The following CAMKMT variants were observed in gnomAD, a reference collection of about 807,000 sequenced individuals.
CAMKMT encodes the protein calmodulin-lysine N-methyltransferase, also known as CaM KMT.
Under a neutral mutation model 48.0 loss-of-function variants are expected in CAMKMT, and 53 were observed. That is an observed-to-expected ratio of 1.10 (90% confidence interval 0.89 to 1.39). CAMKMT has a LOEUF of 1.39. Among genes scored for constraint, CAMKMT ranks in the 40% most tolerant of loss-of-function variants. The pLI, the probability that CAMKMT is intolerant of heterozygous loss-of-function variation, is 0.00. For synonymous variants in CAMKMT, 165 were observed against 152.3 expected (o/e 1.08, Z -0.61); for missense variants, 428 against 402.7 (o/e 1.06, Z -0.54).
At chr2:44,545,873 G>A (rs1286343960) in intron 3 of CAMKMT, among the ~76,000 whole-genome samples, 1 of 151,860 alleles carries the variant, frequency 6.6e-6, no homozygotes, top group East Asian at 1.9e-4. Context: ...ATCTTCAAAA[G>A]GAGGGATCAT....
Position 44,707,413 on chromosome 2 carries a change from AG to A in CAMKMT, c.508del (p.Asp170MetfsTer7). 3.7e-6 allele frequency: 6 copies of A among 1,612,360 alleles called. No individual in the cohort carries two copies. Among genetic ancestry groups the A allele is most frequent in the Non-Finnish European group, 3.4e-6 (4 of 1,179,164 alleles). On this transcript the variant is annotated frameshift_variant, in exon 6 of 11. Transcript: ENST00000378494. LOFTEE classifies it high-confidence loss of function. ...TTTTTTTTCAGGTTGCTATTTCTGC[AG>A]ATGTCAAAGAAGTTCTGTTAACTGA... ...LAGLMVAISA[D>X]VKEVLLTDGN...
At chr2:44,646,406 C>T (rs896864498) in intron 3 of CAMKMT, among the ~76,000 whole-genome samples, 3 of 151,758 alleles carry the variant, frequency 2.0e-5, no homozygotes, top group East Asian at 1.9e-4. Context: ...TGTCTCATAA[C>T]GTTACAGAAA....
chr2:44,715,483 C>G, intron 7 of CAMKMT, 130 bp downstream of exon 7: 1 of 651,932 alleles, frequency 1.5e-6, no homozygotes, highest in South Asian at 1.9e-5. Context: ...GTTTTAAGCA[C>G]TTTACAAGTA....
Position 44,657,991 on chromosome 2 carries a change from C to G in CAMKMT, c.377-46292C>G, listed in dbSNP as rs186939201. On this transcript the variant is annotated intron_variant, in intron 3 of 10. Coordinates refer to ENST00000378494, the MANE Select transcript of CAMKMT (RefSeq NM_024766.5). This position sits in a 1 kb window ranked among gnomAD's most constrained non-coding sequence, Gnocchi z 4.3. ...AAATTATTTTTCACACAGATTTACT[C>G]TCCTGAATTTTCCAGAAATGTAGAT... Among the ~76,000 whole-genome samples, 388 of 152,280 alleles carry G rather than the reference C, an allele frequency of 2.5e-3. 2 individuals are homozygous for G. The highest frequency in any genetic ancestry group is 9.0e-3 in the African/African-American group (373 of 41,564).
At chr2:44,523,770 ATTTTT>A (rs70937920) in intron 3 of CAMKMT, among the ~76,000 whole-genome samples, 6,237 of 89,644 alleles carry the variant, frequency 0.07, 398 homozygotes, top group African/African-American at 0.22. Context: ...GAGAGCGAGC[ATTTTT>A]TTTTTTTTTT....
intron 9 of CAMKMT, among the ~76,000 whole-genome samples, chr2:44,756,868 T>G (rs1680405968): frequency 6.6e-6 from 1 of 152,116 alleles, no homozygotes; most frequent in South Asian, 2.1e-4. Context: ...TTCCAGCAAA[T>G]GCAAACACTG....
At chr2:44,437,163 A>C (rs1386614061) in intron 3 of CAMKMT, among the ~76,000 whole-genome samples, 1 of 152,234 alleles carries the variant, frequency 6.6e-6, no homozygotes, top group African/African-American at 2.4e-5. Context: ...TTATTGAAGA[A>C]TACAAAGGAG....
At chr2:44,713,457 A>G (rs1482526762) in intron 6 of CAMKMT, among the ~76,000 whole-genome samples, 15 of 152,192 alleles carry the variant, frequency 9.9e-5, no homozygotes, top group Admixed American at 9.8e-4. Context: ...TAAAGATGTC[A>G]GCTGTCCTTT....
At chr2:44,507,108 A>G (rs1014206198) in intron 3 of CAMKMT, among the ~76,000 whole-genome samples, 1 of 152,138 alleles carries the variant, frequency 6.6e-6, no homozygotes, top group African/African-American at 2.4e-5. Context: ...CTTATCAGAA[A>G]GGAATAGAAA....
At chr2:44,495,653 A>G (rs1036131327) in intron 3 of CAMKMT, among the ~76,000 whole-genome samples, 2 of 152,174 alleles carry the variant, frequency 1.3e-5, no homozygotes, top group African/African-American at 4.8e-5. Context: ...GTCAATTGGA[A>G]GCAATTCTTA....
intron 7 of CAMKMT, among the ~76,000 whole-genome samples, chr2:44,728,734 T>C (rs1226814638): frequency 1.3e-5 from 2 of 152,136 alleles, no homozygotes; most frequent in African/African-American, 2.4e-5. Flanking sequence ...GAGGATCTCT[T>C]ATATTTCTGT....
rs971933264 is a variant in CAMKMT, at chr2:44,743,481, A to AT, written c.624-135dup. 2.0e-5 allele frequency: 12 copies of AT among 599,650 alleles called. No individual in the cohort carries two copies. In the South Asian group the frequency reaches 2.7e-4, roughly 13 times the overall value. The allele number at this position is 599,650 out of a possible 1,614,324, so 37.1% of individuals were successfully genotyped here. A position where few individuals can be genotyped will look rare whatever the true frequency, so the allele number is the denominator to read the frequency against. On this transcript the variant is annotated intron_variant, in intron 7 of 10. Transcript: ENST00000378494. The stretch of plus-strand genomic sequence containing the variant: ...AAAACACAGAAGACAGTTACATCCT[A>AT]TTTTTTATTATACCTTTTGAAATAA...
At position 44,517,761 on chromosome 2, in the gene CAMKMT, A is replaced by G. The variant is rs547030039; in HGVS notation, c.376+127456A>G. On this transcript the variant is annotated intron_variant, in intron 3 of 10. Transcript: ENST00000378494. The stretch of plus-strand genomic sequence containing the variant: ...GCCCTGATGCTACTGTGTGAGAGCA[A>G]TTTAGTTAGAAAGATCATCAACAAT... Among the ~76,000 whole-genome samples, 104 of 152,318 alleles carry G rather than the reference A, an allele frequency of 6.8e-4. 1 individual carries two copies. The highest frequency in any genetic ancestry group is 2.4e-3 in the African/African-American group (100 of 41,564).
chr2:44,628,431 TG>T (rs1265666168), intron 3 of CAMKMT, among the ~76,000 whole-genome samples: 1 of 152,110 alleles, frequency 6.6e-6, no homozygotes, highest in Admixed American at 6.5e-5. Flanking sequence ...TCTAATTACT[TG>T]GGGTTTAATA....
chr2:44,744,422 C>A (rs1008206726), intron 8 of CAMKMT, among the ~76,000 whole-genome samples: 3 of 152,060 alleles, frequency 2.0e-5, no homozygotes, highest in African/African-American at 7.2e-5. Context: ...ATGCATCAGA[C>A]CTTAATAATT....
intron 3 of CAMKMT, among the ~76,000 whole-genome samples, chr2:44,591,074 C>T (rs572564867): frequency 7.9e-5 from 12 of 151,746 alleles, no homozygotes; most frequent in African/African-American, 2.4e-4. Context: ...AGATATGTGG[C>T]GTTATTTCTG....
intron 10 of CAMKMT, among the ~76,000 whole-genome samples, chr2:44,768,532 G>A (rs1346513284): frequency 6.6e-6 from 1 of 151,980 alleles, no homozygotes; most frequent in Admixed American, 6.5e-5. Flanking sequence ...AGCTCGCCCA[G>A]AGGCCGGAGC....
At chr2:44,725,143 CGTGTGTGTGTGT>C (rs4039394) in intron 7 of CAMKMT, among the ~76,000 whole-genome samples, 8 of 140,556 alleles carry the variant, frequency 5.7e-5, no homozygotes, top group African/African-American at 8.0e-5. Flanking sequence ...GCTTTCTGGA[CGTGTGTGTGTGT>C]GTGTGTGTGT....
intron 6 of CAMKMT, among the ~76,000 whole-genome samples, chr2:44,709,404 C>T (rs796760481): frequency 9.9e-5 from 15 of 152,188 alleles, no homozygotes; most frequent in Admixed American, 5.9e-4. Flanking sequence ...GATGGAGTTC[C>T]GTTTTTACCA....
Sources: allele counts gnomAD v4.1 joint callset (sites outside exome capture counted in the v4.1 genomes callset), GRCh38; gene constraint gnomAD v4.1.1; non-coding constraint Gnocchi (gnomAD v3.1); transcripts MANE v1.5; gene names NCBI Gene and HGNC (gene_info 2026-07-23, HGNC 2026-07-21).